ILRUN: variants seen among roughly 807,000 people sequenced by gnomAD.
The protein encoded by ILRUN is inflammation and lipid regulator with UBA-like and NBR1-like domains, also known as protein ILRUN.
A neutral mutation model predicts 33.8 loss-of-function variants in ILRUN; 3 were observed. The observed-to-expected ratio is 0.09, with a 90% CI of 0.04 to 0.23. The LOEUF (loss-of-function observed/expected upper bound fraction) is 0.23. ILRUN is among the 10% of genes least tolerant of loss of function. ILRUN has a pLI of 1.00. For synonymous variants in ILRUN, 124 were observed against 138.9 expected (o/e 0.89, Z 0.75); for missense variants, 210 against 375.1 (o/e 0.56, Z 3.64).
In ILRUN at chr6:34,687,673, G is replaced by A. The variant is rs1367996527; in HGVS notation, c.158+8773C>T. ...AGATTGCACCACTGCACTCCAGCCTGGGCAACAGAGCAAGACTCCATCTCC... is the reference window on the plus strand; with the variant it reads ...AGATTGCACCACTGCACTCCAGCCTAGGCAACAGAGCAAGACTCCATCTCC... On this transcript the variant is annotated intron_variant, in intron 1 of 4. Coordinates refer to ENST00000374023, the MANE Select transcript of ILRUN (RefSeq NM_024294.4). 4.2e-5 allele frequency among the ~76,000 whole-genome samples: 6 copies of A among 142,796 alleles called. No homozygotes were observed. In the South Asian group the frequency reaches 1.3e-3, roughly 31 times the overall value. The allele number at this position is 142,796 out of a possible 152,430, so 93.7% of individuals were successfully genotyped here. A position where few individuals can be genotyped will look rare whatever the true frequency, so the allele number is the denominator to read the frequency against.
chr6:34,665,292 CAAAA>C (rs60761039), intron 1 of ILRUN, among the ~76,000 whole-genome samples: 19 of 76,452 alleles, frequency 2.5e-4, no homozygotes, highest in African/African-American at 3.6e-4. Flanking sequence ...CCCTTTTCTA[CAAAA>C]AAAAAAAAAA....
intron 3 of ILRUN, among the ~76,000 whole-genome samples, chr6:34,610,266 A>G (rs1283662469): frequency 1.3e-5 from 2 of 152,236 alleles, no homozygotes; most frequent in African/African-American, 2.4e-5. Flanking sequence ...CCACACATGT[A>G]GTGTGCCACT....
chr6:34,664,640 T>C (rs1396703435), intron 1 of ILRUN, among the ~76,000 whole-genome samples: 2 of 152,198 alleles, frequency 1.3e-5, no homozygotes, highest in African/African-American at 4.8e-5. Flanking sequence ...CTAGGTTCAG[T>C]GTTAACTGTA....
intron 3 of ILRUN, among the ~76,000 whole-genome samples, chr6:34,614,457 A>ATATATATATATATAT: frequency 7.5e-6 from 1 of 133,982 alleles, no homozygotes; most frequent in African/African-American, 3.1e-5. Flanking sequence ...TATATATATA[A>ATATATATATATATAT]AATGTATATT....
At chr6:34,669,793 G>T (rs1763078720) in intron 1 of ILRUN, among the ~76,000 whole-genome samples, 2 of 151,972 alleles carry the variant, frequency 1.3e-5, no homozygotes, top group Admixed American at 6.6e-5. Flanking sequence ...AAAAATGAAT[G>T]ATATACTGAT....
intron 1 of ILRUN, among the ~76,000 whole-genome samples, chr6:34,654,984 C>T (rs547244155): frequency 4.9e-4 from 74 of 152,214 alleles, no homozygotes; most frequent in African/African-American, 1.6e-3. Flanking sequence ...TTTCTTCCCA[C>T]ACAGAAAGTA....
At chr6:34,647,585 C>T (rs1196466562) in intron 2 of ILRUN, among the ~76,000 whole-genome samples, 1 of 152,054 alleles carries the variant, frequency 6.6e-6, no homozygotes. Context: ...TAACCTGTAA[C>T]TCTTTAAAGA....
intron 1 of ILRUN, among the ~76,000 whole-genome samples, chr6:34,656,459 T>C (rs1762773953): frequency 6.6e-6 from 1 of 152,138 alleles, no homozygotes; most frequent in Non-Finnish European, 1.5e-5. Flanking sequence ...GCTGCGTTCA[T>C]TACAGAGATC....
At chr6:34,596,377 C>T (rs140789001) in intron 4 of ILRUN, among the ~76,000 whole-genome samples, 18 of 152,288 alleles carry the variant, frequency 1.2e-4, no homozygotes, top group African/African-American at 3.4e-4. Context: ...CCTGCAGAGG[C>T]GTGATCTTGA....
intron 1 of ILRUN, among the ~76,000 whole-genome samples, chr6:34,687,710 T>TATATATATATATATATATTTATAAA: frequency 8.5e-6 from 1 of 117,676 alleles, no homozygotes; most frequent in African/African-American, 3.4e-5. Context: ...AAAAAAAAAA[T>TATATATATATATATATATTTATAAA]ATATATATAT....
At chr6:34,682,041 CTT>C (rs552894159) in intron 1 of ILRUN, among the ~76,000 whole-genome samples, 2 of 90,578 alleles carry the variant, frequency 2.2e-5, no homozygotes, top group Non-Finnish European at 2.4e-5. Context: ...TATTTTTTTA[CTT>C]TTTTTTTTTT....
intron 3 of ILRUN, among the ~76,000 whole-genome samples, chr6:34,622,908 T>C (rs568345637): frequency 1.8e-4 from 27 of 152,300 alleles, no homozygotes; most frequent in Non-Finnish European, 7.4e-5. Context: ...ACCAAAATAT[T>C]ATTCAGCCTT....
chr6:34,629,712 T>C (rs897349300), intron 3 of ILRUN, among the ~76,000 whole-genome samples: 1 of 152,200 alleles, frequency 6.6e-6, no homozygotes, highest in Non-Finnish European at 1.5e-5. Context: ...TGACATTAAT[T>C]TGGAGAAATT....
intron 1 of ILRUN, among the ~76,000 whole-genome samples, chr6:34,690,409 C>A (rs1328725904): frequency 6.6e-6 from 1 of 151,792 alleles, no homozygotes; most frequent in Non-Finnish European, 1.5e-5. Flanking sequence ...TGCAGTGAGC[C>A]AAGATTGCGC....
intron 1 of ILRUN, among the ~76,000 whole-genome samples, chr6:34,681,310 T>G (rs1763353441): frequency 6.6e-6 from 1 of 152,142 alleles, no homozygotes; most frequent in Non-Finnish European, 1.5e-5. Flanking sequence ...TAAACCTCAA[T>G]ACATAGTGGG....
At position 34,646,815 on chromosome 6, in the gene ILRUN, G is replaced by A. The variant is rs1486463415; in HGVS notation, c.314-17C>T. 6.2e-7 allele frequency: 1 copy of A among 1,610,798 alleles called. No homozygotes were observed. The highest frequency in any genetic ancestry group is 1.3e-5 in the African/African-American group (1 of 74,840). On this transcript the variant is annotated splice_polypyrimidine_tract_variant and intron_variant, in intron 2 of 4. Coordinates refer to ENST00000374023, the MANE Select transcript of ILRUN (RefSeq NM_024294.4). This position sits in a 1 kb window ranked among gnomAD's most constrained non-coding sequence, Gnocchi z 4.9. ...CCTCTGCCCCTGAGTTCAAGCAAAA[G>A]AAAAAAATGTTAGGCAATCAATGGT...
At chr6:34,684,435 A>T (rs1763472197) in intron 1 of ILRUN, among the ~76,000 whole-genome samples, 1 of 152,192 alleles carries the variant, frequency 6.6e-6, no homozygotes, top group Admixed American at 6.5e-5. Context: ...TTCACATCTA[A>T]ATTACTGAGT....
chr6:34,673,245 G>C (rs1763153109), intron 1 of ILRUN, among the ~76,000 whole-genome samples: 1 of 152,146 alleles, frequency 6.6e-6, no homozygotes, highest in Admixed American at 6.5e-5. Context: ...TTCCAACAAA[G>C]AAAGGCTAAA....
At chr6:34,675,018 C>T (rs892925886) in intron 1 of ILRUN, among the ~76,000 whole-genome samples, 1 of 152,186 alleles carries the variant, frequency 6.6e-6, no homozygotes, top group African/African-American at 2.4e-5. Flanking sequence ...CAGTGGCTCA[C>T]GCAAGTAATC....
Sources: gnomAD v4.1 joint callset for allele counts (sites outside exome capture counted in the v4.1 genomes callset) on GRCh38, gnomAD v4.1.1 for gene constraint, Gnocchi (gnomAD v3.1) non-coding constraint, MANE v1.5 for transcripts, NCBI Gene and HGNC (gene_info 2026-07-23, HGNC 2026-07-21) for gene names.